Variants in FTCDNL1 observed in about 807,000 individuals in gnomAD.
FTCDNL1 encodes formiminotransferase cyclodeaminase N-terminal like.
A neutral mutation model predicts 5.9 loss-of-function variants in FTCDNL1; 11 were observed. The ratio of observed to expected loss-of-function variants is 1.87; its 90% CI spans 1.18 to 3.10. The LOEUF (loss-of-function observed/expected upper bound fraction) is 3.10, where lower values mean the gene tolerates loss of function less well. Ranked by LOEUF, FTCDNL1 falls within the 30% of genes most tolerant of loss-of-function variation. The pLI is 0.00. For missense variants in FTCDNL1, 115 were observed against 65.5 expected (o/e 1.76, Z -2.61); for synonymous variants, 58 against 24.8 (o/e 2.34, Z -3.99).
chr2:199,739,211 C>T, the FTCDNL1 span, among the ~76,000 whole-genome samples: 1 of 152,192 alleles, frequency 6.6e-6, no homozygotes, highest in Non-Finnish European at 1.5e-5. Flanking sequence ...CCCGACTTCA[C>T]TCACATTCTT....
At chr2:199,817,845 C>T (rs1259007193) in intron 4 of FTCDNL1, among the ~76,000 whole-genome samples, 1 of 151,982 alleles carries the variant, frequency 6.6e-6, no homozygotes, top group South Asian at 2.1e-4. Flanking sequence ...GGCAGAGACA[C>T]AGATTATCCA....
chr2:199,756,032 T>C (rs1041788799), downstream of FTCDNL1, among the ~76,000 whole-genome samples: 1 of 152,178 alleles, frequency 6.6e-6, no homozygotes, highest in African/African-American at 2.4e-5. Flanking sequence ...CTCAACTGTG[T>C]GGTAAAATGA....
chr2:199,845,792 A>G (rs1023610702), intron 3 of FTCDNL1, among the ~76,000 whole-genome samples: 2 of 151,074 alleles, frequency 1.3e-5, no homozygotes, highest in Non-Finnish European at 3.0e-5. Context: ...AAACCTGAAG[A>G]TGTCTTTTCT....
downstream of FTCDNL1, among the ~76,000 whole-genome samples, chr2:199,759,943 T>C (rs186958416): frequency 1.3e-5 from 2 of 152,282 alleles, no homozygotes; most frequent in African/African-American, 2.4e-5. Flanking sequence ...CGTAATTGTA[T>C]TGGGCATATA....
At chr2:199,837,684 A>G (rs1038269167) in intron 3 of FTCDNL1, among the ~76,000 whole-genome samples, 18 of 152,190 alleles carry the variant, frequency 1.2e-4, no homozygotes, top group African/African-American at 4.3e-4. Flanking sequence ...AAAATCTACA[A>G]GGCTGATCAT....
At chr2:199,711,558 A>G in the FTCDNL1 span, among the ~76,000 whole-genome samples, 1 of 152,010 alleles carries the variant, frequency 6.6e-6, no homozygotes, top group African/African-American at 2.4e-5. Flanking sequence ...CTATTATGGT[A>G]TTTGGTTCTA....
chr2:199,701,556 C>G, the FTCDNL1 span, among the ~76,000 whole-genome samples: 1 of 152,036 alleles, frequency 6.6e-6, no homozygotes, highest in Admixed American at 6.6e-5. Context: ...ATGGAATCAA[C>G]CTAGATGTCC....
chr2:199,844,807 T>C (rs1037407766), intron 3 of FTCDNL1, among the ~76,000 whole-genome samples: 6 of 152,194 alleles, frequency 3.9e-5, no homozygotes, highest in African/African-American at 1.4e-4. Flanking sequence ...TTTTTACAAT[T>C]GTTTACTTTA....
chr2:199,785,249 CT>C (rs61047289), intron 3 of FTCDNL1, among the ~76,000 whole-genome samples: 3 of 76,866 alleles, frequency 3.9e-5, no homozygotes, highest in South Asian at 1.2e-3. Context: ...TTCCAAATTC[CT>C]TTTTTTTTTT....
chr2:199,834,263 C>T (rs1007349408), intron 3 of FTCDNL1, among the ~76,000 whole-genome samples: 3 of 152,172 alleles, frequency 2.0e-5, no homozygotes, highest in Admixed American at 2.0e-4. Context: ...CAGAAGGAAC[C>T]AACCCTGCTG....
At chr2:199,813,438 C>T (rs183260700) in intron 4 of FTCDNL1, among the ~76,000 whole-genome samples, 1 of 152,112 alleles carries the variant, frequency 6.6e-6, no homozygotes, top group Admixed American at 6.5e-5. Context: ...TCAGAAGTTC[C>T]ATTCATTATA....
At chr2:199,823,526 T>C (rs1258581641) in intron 3 of FTCDNL1, among the ~76,000 whole-genome samples, 1 of 152,238 alleles carries the variant, frequency 6.6e-6, no homozygotes, top group Non-Finnish European at 1.5e-5. Flanking sequence ...GCAGAATGGA[T>C]GTTGTGTTAG....
the FTCDNL1 span, among the ~76,000 whole-genome samples, chr2:199,698,378 G>T: frequency 4.9e-4 from 74 of 152,244 alleles, no homozygotes; most frequent in African/African-American, 1.7e-3. Flanking sequence ...CGACCACACA[G>T]TTGGCCATAA....
intron 3 of FTCDNL1, among the ~76,000 whole-genome samples, chr2:199,774,249 G>C (rs1282057245): frequency 6.6e-6 from 1 of 152,138 alleles, no homozygotes. Flanking sequence ...AAATACTGTA[G>C]ACTAGGACAG....
At chr2:199,839,399 A>G (rs1438714705) in intron 3 of FTCDNL1, among the ~76,000 whole-genome samples, 1 of 152,264 alleles carries the variant, frequency 6.6e-6, no homozygotes, top group Non-Finnish European at 1.5e-5. Flanking sequence ...GAAATTCACC[A>G]GAAAGTGTTA....
Position 199,837,029 on chromosome 2 carries a change from C to T in FTCDNL1, c.211+9046G>A, listed in dbSNP as rs148810148. Among the ~76,000 whole-genome samples the T allele has an allele frequency of 3.9e-4, 60 of 152,268 alleles. No individual in the cohort carries two copies. In the East Asian group the frequency reaches 0.011, roughly 27 times the overall value. On this transcript the variant is annotated intron_variant, in intron 3 of 4. Coordinates refer to ENST00000420128, the MANE Select transcript of FTCDNL1 (RefSeq NM_001363886.2). ...AAGAGTGCAGCTTTTTCAAGTATGG[C>T]TGGGTTCATCCATAACTGCTGGTCA...
intron 3 of FTCDNL1, among the ~76,000 whole-genome samples, chr2:199,796,523 C>CT (rs1354318484): frequency 1.3e-5 from 2 of 152,118 alleles, no homozygotes; most frequent in Non-Finnish European, 2.9e-5. Flanking sequence ...AATTAAGAGA[C>CT]TATTGACCTT....
chr2:199,721,579 T>C, the FTCDNL1 span, among the ~76,000 whole-genome samples: 5 of 152,344 alleles, frequency 3.3e-5, no homozygotes, highest in African/African-American at 1.2e-4. Flanking sequence ...AGTACTACAA[T>C]GAATATACCC....
At chr2:199,797,953 C>CA (rs1700252446) in intron 3 of FTCDNL1, among the ~76,000 whole-genome samples, 2 of 152,194 alleles carry the variant, frequency 1.3e-5, no homozygotes, top group Admixed American at 1.3e-4. Context: ...TGAGGAGCTC[C>CA]AACTCACACT....
Sources: gnomAD v4.1 joint callset for allele counts (sites outside exome capture counted in the v4.1 genomes callset) on GRCh38, gnomAD v4.1.1 for gene constraint, MANE v1.5 for transcripts, NCBI Gene and HGNC (gene_info 2026-07-23, HGNC 2026-07-21) for gene names.